Variants in SMAD2 observed in about 807,000 individuals in gnomAD.
The protein encoded by SMAD2 is SMAD family member 2.
A neutral mutation model predicts 64.4 loss-of-function variants in SMAD2; 8 were observed. The observed-to-expected ratio is 0.12, with a 90% CI of 0.07 to 0.22. The LOEUF (loss-of-function observed/expected upper bound fraction) is 0.22, where lower values mean the gene tolerates loss of function less well. Ranked by LOEUF, SMAD2 falls within the 10% of genes least tolerant of loss-of-function variation. The pLI is 1.00. For missense variants in SMAD2, 289 were observed against 561.2 expected, an observed-to-expected ratio of 0.51 and a Z score of 4.90; for synonymous variants, 203 against 195.8, an observed-to-expected ratio of 1.04 and a Z score of -0.31.
At position 47,819,264 on chromosome 18, in the gene SMAD2, C is replaced by G. The variant is rs920258529; in HGVS notation, c.*22563G>C. 1.3e-5 allele frequency: 2 copies of G among 152,140 alleles called. No homozygotes were observed. The highest frequency in any genetic ancestry group is 2.9e-5 in the Non-Finnish European group (2 of 68,024). 9.4% of individuals were successfully genotyped at this position (152,140 alleles called of 1,614,324 possible). ...TTGTCTCTGTTAGACTTTTTAAGGT[C>G]ATAAAACTATAAACTCAACTTAAAA... On this transcript the variant is annotated 3_prime_UTR_variant, in exon 11 of 11. Transcript: ENST00000262160.
rs778795191 is a variant in SMAD2 at position 47,851,298 on chromosome 18, GAGT to G, written c.757_759del (p.Thr253del). 1.2e-6 allele frequency: 2 copies of G among 1,610,192 alleles called. No individual in the cohort carries two copies. The highest frequency in any genetic ancestry group is 1.7e-6 in the Non-Finnish European group (2 of 1,176,814). On this transcript the variant is annotated inframe_deletion, in exon 7 of 11. Coordinates refer to ENST00000262160, the MANE Select transcript of SMAD2 (RefSeq NM_005901.6). ...CCCAAGCTATGATTAACAGGGGAAAGAGTAGTAGGAGATAGTTCTGCTGGAGAG... is the reference window on the plus strand; with the variant it reads ...CCCAAGCTATGATTAACAGGGGAAAGAGTAGGAGATAGTTCTGCTGGAGAG...
chr18:47,876,155 T>C (rs1239709763), intron 2 of SMAD2, among the ~76,000 whole-genome samples: 1 of 152,034 alleles, frequency 6.6e-6, no homozygotes, highest in Non-Finnish European at 1.5e-5. Context: ...ATTAAGTTAT[T>C]ATAACAATGA....
chr18:47,918,856 A>C (rs2034438825), intron 1 of SMAD2, among the ~76,000 whole-genome samples: 1 of 152,188 alleles, frequency 6.6e-6, no homozygotes, highest in Non-Finnish European at 1.5e-5. Context: ...AAAAAATTGG[A>C]AGACTGGTTC....
intron 7 of SMAD2, among the ~76,000 whole-genome samples, chr18:47,850,239 T>TTATA (rs200082191): frequency 0.41 from 25,456 of 61,640 alleles, 5,590 homozygotes; most frequent in East Asian, 0.72. Context: ...ATATTATATA[T>TTATA]TATATATTAT....
In SMAD2 at chr18:47,835,885, G is replaced by A. The variant is rs577367217; in HGVS notation, c.*5942C>T. Reference sequence around the variant, plus strand: ...CTAAGAGCTGTTAACTGTTTGGAGGGTAAAAGAATACTTTTCTCGAAATTT... The same window carrying A: ...CTAAGAGCTGTTAACTGTTTGGAGGATAAAAGAATACTTTTCTCGAAATTT... On this transcript the variant is annotated 3_prime_UTR_variant, in exon 11 of 11. Coordinates refer to ENST00000262160, the MANE Select transcript of SMAD2 (RefSeq NM_005901.6). The A allele has an allele frequency of 4.9e-6, 1 of 204,368 alleles. No homozygotes were observed. Among genetic ancestry groups the A allele is most frequent in the South Asian group, 1.9e-4 (1 of 5,268 alleles). 12.7% of individuals were successfully genotyped at this position (204,368 alleles called of 1,614,324 possible).
At chr18:47,913,206 C>G (rs1219983423) in intron 1 of SMAD2, among the ~76,000 whole-genome samples, 1 of 152,208 alleles carries the variant, frequency 6.6e-6, no homozygotes, top group Non-Finnish European at 1.5e-5. Context: ...CAGGCATGAG[C>G]CACAGCGCCC....
At position 47,809,356 on chromosome 18, in the gene SMAD2, G is replaced by A. The variant is rs2276413; in HGVS notation, c.*32471C>T. ...AGTTTTCCAGGCCAGAGCAAGCAAG[G>A]TGAGGGGTGGGGATGGTATTCTATA... On this transcript the variant is annotated 3_prime_UTR_variant, in exon 11 of 11. Transcript: ENST00000262160. 36,449 of 152,440 alleles carry A rather than the reference G, an allele frequency of 0.24. 5,383 individuals are homozygous for A. Among genetic ancestry groups the A allele is most frequent in the East Asian group, 0.34 (1,744 of 5,170 alleles). 9.4% of individuals were successfully genotyped at this position (152,440 alleles called of 1,614,324 possible). A position where few individuals can be genotyped will look rare whatever the true frequency, so the allele number is the denominator to read the frequency against.
chr18:47,869,474 T>TAAAAAA, intron 3 of SMAD2, 38 bp from the exon 4 acceptor site: 4 of 1,066,594 alleles, frequency 3.8e-6, no homozygotes, highest in African/African-American at 1.8e-5. Flanking sequence ...GAGGGAACTT[T>TAAAAAA]AAAAAAAAAA....
chr18:47,896,841 A>C, intron 1 of SMAD2, 32 bp from the exon 2 acceptor site: 1 of 1,525,618 alleles, frequency 6.6e-7, no homozygotes, highest in Non-Finnish European at 8.9e-7. Flanking sequence ...TGATGTAGAG[A>C]CTACCTTGAA....
At chr18:47,920,398 A>G (rs1568117916) in intron 1 of SMAD2, among the ~76,000 whole-genome samples, 1 of 152,254 alleles carries the variant, frequency 6.6e-6, no homozygotes, top group African/African-American at 2.4e-5. Flanking sequence ...CCATTGAAAT[A>G]TTTAACATTC....
At chr18:47,842,139 A>C (rs1242134534) in intron 10 of SMAD2, among the ~76,000 whole-genome samples, 189 bp from the exon 11 acceptor site, 1 of 152,194 alleles carries the variant, frequency 6.6e-6, no homozygotes, top group Non-Finnish European at 1.5e-5. Flanking sequence ...TTGTTTTAGA[A>C]GTGATTTACA....
chr18:47,816,179 G>C lies in SMAD2; in HGVS notation c.*25648C>G, dbSNP rs922323643. On this transcript the variant is annotated 3_prime_UTR_variant, in exon 11 of 11. Transcript: ENST00000262160. ...TTAGTCAAGACAACAATAACAAAAG[G>C]CTTTCTTCAGGGAGGGCAGTGGAAG... 5 of 152,112 alleles carry C rather than the reference G, an allele frequency of 3.3e-5. No individual in the cohort carries two copies. Among genetic ancestry groups the C allele is most frequent in the Non-Finnish European group, 1.5e-5 (1 of 68,028 alleles). The allele number at this position is 152,112 out of a possible 1,614,324, so 9.4% of individuals were successfully genotyped here.
chr18:47,845,948 A>AATAT (rs1568035236), intron 8 of SMAD2, 148 bp from the exon 9 acceptor site: 5 of 707,148 alleles, frequency 7.1e-6, no homozygotes, highest in Non-Finnish European at 5.0e-6. Flanking sequence ...TCTAACTTTA[A>AATAT]ATATACTACT....
rs1912755705 is a variant in SMAD2 at position 47,826,346 on chromosome 18, C to T, written c.*15481G>A. ...TGCATTTAAGGCTCCAATTCTTCAC[C>T]CCTCCTATGTTCTCTCCCTTGGTCT... On this transcript the variant is annotated 3_prime_UTR_variant, in exon 11 of 11. Coordinates refer to ENST00000262160, the MANE Select transcript of SMAD2 (RefSeq NM_005901.6). 1 of 152,184 alleles carries T rather than the reference C, an allele frequency of 6.6e-6. No individual in the cohort carries two copies. Among genetic ancestry groups the T allele is most frequent in the African/African-American group, 2.4e-5 (1 of 41,432 alleles). 9.4% of individuals were successfully genotyped at this position (152,184 alleles called of 1,614,324 possible).
rs965247466 is a variant in SMAD2 at position 47,839,870 on chromosome 18, T to C, written c.*1957A>G. ...TGTCAGGTGTTAGCTCATGCATCCT[T>C]TCCTTAGAGGCTTTCCTTGATGTCC... On this transcript the variant is annotated 3_prime_UTR_variant, in exon 11 of 11. Transcript: ENST00000262160. 2 of 233,130 alleles carry C rather than the reference T, an allele frequency of 8.6e-6. No individual in the cohort carries two copies. The highest frequency in any genetic ancestry group is 4.4e-5 in the African/African-American group (2 of 45,344). The allele number at this position is 233,130 out of a possible 1,614,324, so 14.4% of individuals were successfully genotyped here.
Position 47,914,564 on chromosome 18 carries a change from T to C in SMAD2, c.-54+15797A>G, listed in dbSNP as rs184752462. Among the ~76,000 whole-genome samples the C allele has an allele frequency of 2.0e-5, 3 of 152,282 alleles. No homozygotes were observed. The East Asian group carries it at 5.8e-4, about 29-fold the overall frequency. ...CTAAAAGAAAGATCAGAAATTTGGT[T>C]TTAAGAGGTGAGACAGTGATCTAAC... On this transcript the variant is annotated intron_variant, in intron 1 of 10. Transcript: ENST00000262160.
chr18:47,905,561 T>C (rs775262246), intron 1 of SMAD2, among the ~76,000 whole-genome samples: 1 of 151,122 alleles, frequency 6.6e-6, no homozygotes, highest in East Asian at 1.9e-4. Context: ...TAATCAAGAG[T>C]ATAGAGTAGG....
At chr18:47,890,032 G>T (rs2033116743) in intron 2 of SMAD2, among the ~76,000 whole-genome samples, 1 of 152,150 alleles carries the variant, frequency 6.6e-6, no homozygotes, top group South Asian at 2.1e-4. Context: ...CCCTGATAAG[G>T]TAAGTGATAA....
intron 6 of SMAD2, among the ~76,000 whole-genome samples, chr18:47,855,318 T>A (rs1404888518): frequency 6.6e-6 from 1 of 152,234 alleles, no homozygotes; most frequent in Non-Finnish European, 1.5e-5. Flanking sequence ...GCTATGAACA[T>A]CAATCTGCAG....
Sources: allele counts gnomAD v4.1 joint callset (sites outside exome capture counted in the v4.1 genomes callset), GRCh38; gene constraint gnomAD v4.1.1; transcripts MANE v1.5; gene names NCBI Gene and HGNC (gene_info 2026-07-23, HGNC 2026-07-21).